The following FAM53A variants were observed in gnomAD, a reference collection of about 807,000 sequenced individuals.
FAM53A encodes family with sequence similarity 53 member A.
FAM53A carries 28 observed loss-of-function variants against 26.6 expected under a neutral mutation model. The observed-to-expected ratio is 1.05, with a 90% CI of 0.78 to 1.45. The LOEUF is 1.45. Ranked by LOEUF, FAM53A falls within the 40% of genes most tolerant of loss-of-function variation. FAM53A has a pLI of 0.00. For synonymous variants in FAM53A, 290 were observed against 253.1 expected, an observed-to-expected ratio of 1.15 and a Z score of -1.38; for missense variants, 650 against 575.8, an observed-to-expected ratio of 1.13 and a Z score of -1.32.
chr4:1,683,241 T>A (rs1715579975), intron 1 of FAM53A, among the ~76,000 whole-genome samples: 1 of 152,148 alleles, frequency 6.6e-6, no homozygotes, highest in Non-Finnish European at 1.5e-5. Context: ...TTCAAATAAA[T>A]CAAAACCGTT....
chr4:1,634,481 T>C (rs940214158), intron 1 of FAM53A, among the ~76,000 whole-genome samples: 4 of 152,196 alleles, frequency 2.6e-5, no homozygotes, highest in African/African-American at 2.4e-5. Flanking sequence ...CCCATCTGGT[T>C]TCACATCAAG....
At position 1,649,227 on chromosome 4, in the gene FAM53A, G is replaced by A. The variant is rs114754251; in HGVS notation, c.882+5751C>T. ...GGAAAGGGAAGGGGAAGGGGAAGAG[G>A]AGGGGAGGAAAGAAAAGGAAAGAGA... is the stretch of plus-strand genomic sequence containing the variant. On this transcript the variant is annotated intron_variant, in intron 4 of 4. Transcript: ENST00000308132. Among the ~76,000 whole-genome samples, 857 of 151,402 alleles carry A rather than the reference G, an allele frequency of 5.7e-3. 11 individuals are homozygous for A. Among genetic ancestry groups the A allele is most frequent in the African/African-American group, 0.02 (804 of 41,098 alleles).
At chr4:1,653,134 C>A (rs1277177390) in intron 4 of FAM53A, among the ~76,000 whole-genome samples, 1 of 151,762 alleles carries the variant, frequency 6.6e-6, no homozygotes, top group East Asian at 1.9e-4. Flanking sequence ...CAGCACATAG[C>A]ACGTGTGCCA....
At chr4:1,684,613 G>A (rs1715693443), upstream of FAM53A, among the ~76,000 whole-genome samples, 1 of 151,910 alleles carries the variant, frequency 6.6e-6, no homozygotes, top group Non-Finnish European at 1.5e-5. Flanking sequence ...GACCTGTGGC[G>A]GCGGCGACCT....
rs193270858 is a variant in FAM53A at position 1,656,633 on chromosome 4, G to A, written c.136+775C>T. On this transcript the variant is annotated intron_variant, in intron 3 of 4. Transcript: ENST00000308132. ...GACCCCGTGTGCAGGATGAACCCCA[G>A]GAGGCTGAGGTGAGGACATCGCACC... Among the ~76,000 whole-genome samples the A allele has an allele frequency of 4.2e-3, 645 of 152,266 alleles. 6 individuals are homozygous for A. Among genetic ancestry groups the A allele is most frequent in the African/African-American group, 0.015 (620 of 41,540 alleles).
chr4:1,655,666 G>T lies in FAM53A; in HGVS notation c.194C>A (p.Thr65Lys). 6.3e-7 allele frequency: 1 copy of T among 1,595,578 alleles called. No individual in the cohort carries two copies. The highest frequency in any genetic ancestry group is 8.5e-7 in the Non-Finnish European group (1 of 1,173,408). Residue 65 changes from threonine to lysine, a missense_variant, in exon 4 of 5, where the codon ACG (threonine) becomes AAG (lysine). Coordinates refer to ENST00000308132, the MANE Select transcript of FAM53A (RefSeq NM_001174070.3). Reference sequence around the variant, plus strand: ...CGGCAGGAAGGAGAAATCAGGGCCCGTGGCTGCCTGGCTTCTGACGGGCGG... The same window carrying T: ...CGGCAGGAAGGAGAAATCAGGGCCCTTGGCTGCCTGGCTTCTGACGGGCGG... The part of the protein sequence containing the change: ...GGPPVRSQAA[T>K]GPDFSFLPGL...
rs184380790 is a variant in FAM53A, at chr4:1,678,268, G to A, written c.-165+5965C>T. ...AGAGGTGGGAGCACTGCTTCAGCCC[G>A]AGAGGTGGAGGATGCAATGATCCAT... On this transcript the variant is annotated intron_variant, in intron 1 of 4. Coordinates refer to ENST00000308132, the MANE Select transcript of FAM53A (RefSeq NM_001174070.3). Among the ~76,000 whole-genome samples, 23 of 152,302 alleles carry A rather than the reference G, an allele frequency of 1.5e-4. 1 individual carries two copies. In the East Asian group the frequency reaches 3.3e-3, roughly 22 times the overall value.
intron 4 of FAM53A, among the ~76,000 whole-genome samples, chr4:1,642,984 G>C (rs1032578678): frequency 1.3e-5 from 2 of 152,166 alleles, no homozygotes; most frequent in African/African-American, 2.4e-5. Flanking sequence ...TTATGACCTA[G>C]AGCACAAGCT....
At chr4:1,607,248 A>T in the FAM53A span, among the ~76,000 whole-genome samples, 1 of 151,286 alleles carries the variant, frequency 6.6e-6, no homozygotes, top group Non-Finnish European at 1.5e-5. Flanking sequence ...TGAACTCTTG[A>T]CCGCAAGTGA....
chr4:1,590,542 C>T, the FAM53A span, among the ~76,000 whole-genome samples: 2 of 151,994 alleles, frequency 1.3e-5, no homozygotes, highest in Non-Finnish European at 2.9e-5. Context: ...GCTTGGGAGG[C>T]GTGCCCTGCT....
intron 4 of FAM53A, among the ~76,000 whole-genome samples, chr4:1,645,434 C>T (rs1263065011): frequency 2.0e-5 from 3 of 152,216 alleles, no homozygotes; most frequent in African/African-American, 4.8e-5. Context: ...AGCTGGCCGA[C>T]GGCACATGAA....
chr4:1,603,719 A>G, the FAM53A span, among the ~76,000 whole-genome samples: 1 of 152,228 alleles, frequency 6.6e-6, no homozygotes, highest in Non-Finnish European at 1.5e-5. Flanking sequence ...TGCAGCTTGA[A>G]GAGCCCCTCG....
chr4:1,601,996 G>T, the FAM53A span, among the ~76,000 whole-genome samples: 2 of 148,908 alleles, frequency 1.3e-5, no homozygotes, highest in Non-Finnish European at 3.0e-5. Flanking sequence ...GTGGAGGTGG[G>T]CCGGGGGAGG....
In FAM53A at chr4:1,655,727, C is replaced by A; in HGVS notation, c.137-4G>T. On this transcript the variant is annotated splice_region_variant and splice_polypyrimidine_tract_variant and intron_variant, in intron 3 of 4. Coordinates refer to ENST00000308132, the MANE Select transcript of FAM53A (RefSeq NM_001174070.3). The stretch of plus-strand genomic sequence containing the variant: ...AAGACCTTCCAGGGACTCTGGTCTA[C>A]AAAAAAAGACACAAAGAGGCAGGGG... 1 of 1,541,488 alleles carries A rather than the reference C, an allele frequency of 6.5e-7. No homozygotes were observed. The highest frequency in any genetic ancestry group is 8.7e-7 in the Non-Finnish European group (1 of 1,152,594).
At chr4:1,621,895 C>A (rs1715053282) in intron 1 of FAM53A, among the ~76,000 whole-genome samples, 1 of 152,184 alleles carries the variant, frequency 6.6e-6, no homozygotes, top group Non-Finnish European at 1.5e-5. Flanking sequence ...AACCTGATCC[C>A]CACAGTGGTG....
Position 1,630,498 on chromosome 4 carries a change from T to C in FAM53A, c.432-12387A>G, listed in dbSNP as rs1715567454. On this transcript the variant is annotated intron_variant, in intron 1 of 1. Transcript: ENST00000489029. The surrounding 1 kb of genome is among the most constrained non-coding windows in gnomAD (Gnocchi z 4.3). ...CTCATGGATCACGTGTCACGAATCG[T>C]GTATGGGGACACACAGGCAAGAGCA... Among the ~76,000 whole-genome samples, 1 of 152,154 alleles carries C rather than the reference T, an allele frequency of 6.6e-6. No homozygotes were observed. The highest frequency in any genetic ancestry group is 1.5e-5 in the Non-Finnish European group (1 of 68,036).
chr4:1,583,284 A>G, the FAM53A span, among the ~76,000 whole-genome samples: 1 of 152,254 alleles, frequency 6.6e-6, no homozygotes, highest in Non-Finnish European at 1.5e-5. Context: ...ACAGTTAGAG[A>G]TGGGAGAAAA....
chr4:1,675,822 C>T (rs1352980170), intron 1 of FAM53A, among the ~76,000 whole-genome samples: 1 of 152,214 alleles, frequency 6.6e-6, no homozygotes, highest in Non-Finnish European at 1.5e-5. Flanking sequence ...TCCCCTCGCT[C>T]CCCAGGATCT....
At chr4:1,646,017 A>G (rs760541904) in intron 4 of FAM53A, among the ~76,000 whole-genome samples, 2 of 151,920 alleles carry the variant, frequency 1.3e-5, no homozygotes, top group Non-Finnish European at 2.9e-5. Context: ...ACACAGCCAC[A>G]AGAGGCCATC....
Sources: gnomAD v4.1 joint callset for allele counts (sites outside exome capture counted in the v4.1 genomes callset) on GRCh38, gnomAD v4.1.1 for gene constraint, Gnocchi (gnomAD v3.1) non-coding constraint, MANE v1.5 for transcripts, NCBI Gene and HGNC (gene_info 2026-07-23, HGNC 2026-07-21) for gene names.